GRID2: variants seen among roughly 807,000 people sequenced by gnomAD.
GRID2 encodes the protein glutamate ionotropic receptor delta type subunit 2, also known as glutamate receptor ionotropic, delta-2.
A neutral mutation model predicts 114.8 loss-of-function variants in GRID2; 33 were observed. That is an observed-to-expected ratio of 0.29 (90% CI 0.22 to 0.38). The LOEUF is 0.38. Among genes scored for constraint, GRID2 ranks in the 10% least tolerant of loss-of-function variants. The probability of loss-of-function intolerance (pLI) is 1.00; values close to 1 mark genes in which losing one functional copy is unlikely to be tolerated. For missense variants in GRID2, 1,184 were observed against 1,257.7 expected (o/e 0.94, Z 0.89); for synonymous variants, 505 against 449.9 (o/e 1.12, Z -1.55).
At chr4:92,755,863 C>A (rs1391750748) in intron 2 of GRID2, among the ~76,000 whole-genome samples, 2 of 152,144 alleles carry the variant, frequency 1.3e-5, no homozygotes, top group Non-Finnish European at 2.9e-5. Flanking sequence ...TTGTTCATAT[C>A]TGTGGGATAC....
intron 11 of GRID2, among the ~76,000 whole-genome samples, chr4:93,478,609 TTAAC>T (rs754048445): frequency 1.6e-3 from 248 of 151,528 alleles, no homozygotes; most frequent in African/African-American, 4.3e-3. Flanking sequence ...TAACATAAAA[TTAAC>T]TAACTACATA....
At chr4:92,870,612 A>T (rs1423152170) in intron 2 of GRID2, among the ~76,000 whole-genome samples, 1 of 150,152 alleles carries the variant, frequency 6.7e-6, no homozygotes, top group African/African-American at 2.4e-5. Flanking sequence ...AGTGAACAAC[A>T]GGAATTATTT....
chr4:93,649,207 T>C (rs981037111), intron 14 of GRID2, among the ~76,000 whole-genome samples: 1 of 152,168 alleles, frequency 6.6e-6, no homozygotes, highest in Non-Finnish European at 1.5e-5. Flanking sequence ...TCCTTTTGCC[T>C]GTATAGAATC....
chr4:93,717,017 A>G (rs1728956694), intron 14 of GRID2, among the ~76,000 whole-genome samples: 1 of 152,144 alleles, frequency 6.6e-6, no homozygotes, highest in African/African-American at 2.4e-5. Flanking sequence ...AAGAAGCTTT[A>G]CAGAGTGCTT....
intron 4 of GRID2, among the ~76,000 whole-genome samples, chr4:93,178,774 T>C (rs939049416): frequency 1.8e-5 from 2 of 113,232 alleles, no homozygotes; most frequent in Non-Finnish European, 3.5e-5. Context: ...TTTTAAGAAA[T>C]GGAGTTTTAA....
chr4:93,000,543 G>A (rs1755477811), intron 2 of GRID2, among the ~76,000 whole-genome samples: 1 of 151,524 alleles, frequency 6.6e-6, no homozygotes, highest in Non-Finnish European at 1.5e-5. Flanking sequence ...ATTCAAAGAA[G>A]CATAGTAACT....
intron 2 of GRID2, among the ~76,000 whole-genome samples, chr4:93,033,319 A>C (rs1724609503): frequency 6.6e-6 from 1 of 152,156 alleles, no homozygotes; most frequent in Non-Finnish European, 1.5e-5. Flanking sequence ...ACTACAGAAA[A>C]ATGATATGGA....
intron 2 of GRID2, among the ~76,000 whole-genome samples, chr4:92,611,110 GTGTGTA>G (rs763507541): frequency 0.046 from 6,762 of 147,384 alleles, 185 homozygotes; most frequent in East Asian, 0.09. Context: ...GTGTATATGT[GTGTGTA>G]TGTGTGTGTG....
chr4:93,506,027 CT>C (rs1427244332), intron 12 of GRID2, among the ~76,000 whole-genome samples: 1 of 152,150 alleles, frequency 6.6e-6, no homozygotes, highest in Non-Finnish European at 1.5e-5. Flanking sequence ...GCATTTCCAT[CT>C]TCCCTTAGAT....
chr4:93,001,259 G>A lies in GRID2; in HGVS notation c.245-83736G>A, dbSNP rs192986006. On this transcript the variant is annotated intron_variant, in intron 2 of 15. Transcript: ENST00000282020. ...AAAAATGTTATGTGTAAACACACAA[G>A]TATATAAGCTGTCTTTTTTGTTTTA... Among the ~76,000 whole-genome samples, 119 of 151,656 alleles carry A rather than the reference G, an allele frequency of 7.8e-4. 2 individuals carry two copies. The highest frequency in any genetic ancestry group is 6.8e-3 in the Middle Eastern group (2 of 294).
At chr4:92,586,032 A>C (rs2149207017) in intron 1 of GRID2, among the ~76,000 whole-genome samples, 1 of 127,150 alleles carries the variant, frequency 7.9e-6, no homozygotes. Context: ...GATTATACCT[A>C]ATTTAATGTT....
chr4:92,919,488 T>C (rs1004308524), intron 2 of GRID2, among the ~76,000 whole-genome samples: 2 of 152,232 alleles, frequency 1.3e-5, no homozygotes, highest in Non-Finnish European at 2.9e-5. Context: ...AGTGGGCATT[T>C]AGTGCTATAA....
At chr4:92,475,853 A>G (rs1268812912) in intron 1 of GRID2, among the ~76,000 whole-genome samples, 1 of 151,898 alleles carries the variant, frequency 6.6e-6, no homozygotes, top group Admixed American at 6.6e-5. Flanking sequence ...TCAATATTAT[A>G]TAGTTTTCGG....
chr4:92,648,437 G>A (rs1272202765), intron 2 of GRID2, among the ~76,000 whole-genome samples: 1 of 149,204 alleles, frequency 6.7e-6, no homozygotes, highest in Non-Finnish European at 1.5e-5. Flanking sequence ...ATTTCACAAT[G>A]GGACACATAT....
intron 2 of GRID2, among the ~76,000 whole-genome samples, chr4:93,076,238 AGCATGGCG>A (rs1197907399): frequency 6.6e-6 from 1 of 152,108 alleles, no homozygotes; most frequent in Admixed American, 6.5e-5. Flanking sequence ...TAATTAAAAT[AGCATGGCG>A]GTGGGAGAGT....
intron 7 of GRID2, among the ~76,000 whole-genome samples, chr4:93,226,694 A>G (rs1270578638): frequency 6.6e-6 from 1 of 150,970 alleles, no homozygotes; most frequent in Non-Finnish European, 1.5e-5. Context: ...CCTAGTGGAA[A>G]CTCTTTGTGG....
chr4:93,263,380 C>G (rs993291869), intron 8 of GRID2, among the ~76,000 whole-genome samples: 1 of 151,954 alleles, frequency 6.6e-6, no homozygotes, highest in Non-Finnish European at 1.5e-5. Flanking sequence ...CCTCCATCCC[C>G]CATTGTGTGG....
chr4:93,472,302 A>T (rs1379584992), intron 11 of GRID2, among the ~76,000 whole-genome samples: 2 of 152,018 alleles, frequency 1.3e-5, no homozygotes, highest in African/African-American at 4.8e-5. Flanking sequence ...TAACCTGGGC[A>T]ACAAGAGCAA....
At chr4:92,515,695 G>A (rs1724465542) in intron 1 of GRID2, among the ~76,000 whole-genome samples, 1 of 151,892 alleles carries the variant, frequency 6.6e-6, no homozygotes, top group Admixed American at 6.6e-5. Flanking sequence ...TGGTACAGCT[G>A]CTACAATCTT....
Sources: allele counts gnomAD v4.1 joint callset (sites outside exome capture counted in the v4.1 genomes callset), GRCh38; gene constraint gnomAD v4.1.1; transcripts MANE v1.5; gene names NCBI Gene and HGNC (gene_info 2026-07-23, HGNC 2026-07-21).